PMP22: variants seen among roughly 807,000 people sequenced by gnomAD.
PMP22 encodes Charcot-Marie-Tooth neuropathy 1A (greatly reduced nerve conduction velocity, hereditary motor sensory neuropathy Ia).
In PMP22, 2 loss-of-function variants were observed where a neutral mutation model predicts 18.9. The observed-to-expected ratio is 0.11, with a 90% confidence interval of 0.04 to 0.33. The LOEUF is 0.33. Among genes scored for constraint, PMP22 ranks in the 10% least tolerant of loss-of-function variants. The pLI is 1.00. For synonymous variants in PMP22, 95 were observed against 89.2 expected (o/e 1.07, Z -0.37); for missense variants, 169 against 202.2 (o/e 0.84, Z 1.00).
chr17:15,254,442 C>T (rs144567270), intron 3 of PMP22, among the ~76,000 whole-genome samples: 4 of 152,226 alleles, frequency 2.6e-5, no homozygotes, highest in Non-Finnish European at 4.4e-5. Flanking sequence ...GAAGGAAACG[C>T]GTCAAGTCAA....
At position 15,251,308 on chromosome 17, in the gene PMP22, A is replaced by G. The variant is rs142326776; in HGVS notation, c.178+7786T>C. ...ATTTGTTTCCTGCAGAGCATGTTCC[A>G]CTACCCATAGTGATGCATGTATTGT... On this transcript the variant is annotated intron_variant, in intron 3 of 4. Coordinates refer to ENST00000312280, the MANE Select transcript of PMP22 (RefSeq NM_000304.4). Among the ~76,000 whole-genome samples the G allele has an allele frequency of 8.5e-4, 130 of 152,170 alleles. No homozygotes were observed. The East Asian group carries it at 0.018, about 21-fold the overall frequency.
chr17:15,262,744 C>T (rs776789464), intron 1 of PMP22, among the ~76,000 whole-genome samples: 7 of 152,212 alleles, frequency 4.6e-5, no homozygotes, highest in Non-Finnish European at 1.0e-4. Context: ...CCCTGCAAAA[C>T]CGCGGCGACT....
intron 4 of PMP22, chr17:15,235,357 A>ATG: frequency 1.4e-6 from 1 of 716,802 alleles, no homozygotes; most frequent in Non-Finnish European, 2.6e-6. Flanking sequence ...TGTGCCCCAC[A>ATG]TGGAGCTTGA....
Position 15,252,720 on chromosome 17 carries a change from T to C in PMP22, c.178+6374A>G, listed in dbSNP as rs548065072. Among the ~76,000 whole-genome samples the C allele has an allele frequency of 2.6e-5, 4 of 152,330 alleles. No homozygotes were observed. The East Asian group carries it at 7.7e-4, about 29-fold the overall frequency. On this transcript the variant is annotated intron_variant, in intron 3 of 4. Transcript: ENST00000312280. ...TGCCTAACACCTCAGCATGAAAAAGTTTATCAACTACCTTTTCTTCTGAGA... is the reference window on the plus strand; with the variant it reads ...TGCCTAACACCTCAGCATGAAAAAGCTTATCAACTACCTTTTCTTCTGAGA...
chr17:15,235,117 G>A, intron 4 of PMP22: 1 of 676,844 alleles, frequency 1.5e-6, no homozygotes, highest in Non-Finnish European at 2.7e-6. Context: ...ACCACACCTG[G>A]CCCAAATCCT....
At chr17:15,245,067 T>C (rs983441132) in intron 3 of PMP22, among the ~76,000 whole-genome samples, 11 of 151,960 alleles carry the variant, frequency 7.2e-5, no homozygotes, top group African/African-American at 2.7e-4. Flanking sequence ...CCAGTGCCAT[T>C]GATCAAAAGC....
chr17:15,249,967 G>T (rs1382992544), intron 3 of PMP22, among the ~76,000 whole-genome samples: 1 of 152,192 alleles, frequency 6.6e-6, no homozygotes, highest in African/African-American at 2.4e-5. Context: ...TCAGGCTGGC[G>T]TGCAGTGGTG....
In PMP22 at chr17:15,250,362, T is replaced by G. The variant is rs142143086; in HGVS notation, c.178+8732A>C. On this transcript the variant is annotated intron_variant, in intron 3 of 4. Coordinates refer to ENST00000312280, the MANE Select transcript of PMP22 (RefSeq NM_000304.4). ...CTGAACCCTGTTCCCCTTTTCTGCCTTCTGCTCTCAACTCCTCCCCAAGTA... is the reference window on the plus strand; with the variant it reads ...CTGAACCCTGTTCCCCTTTTCTGCCGTCTGCTCTCAACTCCTCCCCAAGTA... Among the ~76,000 whole-genome samples, 29 of 152,236 alleles carry G rather than the reference T, an allele frequency of 1.9e-4. 2 individuals are homozygous for G. The East Asian group carries it at 5.6e-3, about 30-fold the overall frequency.
At chr17:15,245,414 G>A (rs1907714406) in intron 3 of PMP22, among the ~76,000 whole-genome samples, 1 of 152,152 alleles carries the variant, frequency 6.6e-6, no homozygotes, top group African/African-American at 2.4e-5. Context: ...GCTCTGGTTA[G>A]GACAGCCCAG....
At chr17:15,264,515 T>C (rs1909583431) in intron 1 of PMP22, among the ~76,000 whole-genome samples, 1 of 152,238 alleles carries the variant, frequency 6.6e-6, no homozygotes, top group Non-Finnish European at 1.5e-5. Context: ...TTTCCCTTCC[T>C]TTGTGATTTT....
intron 3 of PMP22, among the ~76,000 whole-genome samples, chr17:15,245,023 T>G (rs540056600): frequency 6.6e-6 from 1 of 152,148 alleles, no homozygotes; most frequent in African/African-American, 2.4e-5. Flanking sequence ...GGCTTCCACA[T>G]GCCCAGGAAA....
At chr17:15,262,983 G>A (rs897180884) in intron 1 of PMP22, among the ~76,000 whole-genome samples, 1 of 152,330 alleles carries the variant, frequency 6.6e-6, no homozygotes, top group South Asian at 2.1e-4. Context: ...AGAGGGCAGC[G>A]GGCGCTTGAG....
At chr17:15,234,897 G>T (rs867190593) in intron 4 of PMP22, among the ~76,000 whole-genome samples, 1 of 151,600 alleles carries the variant, frequency 6.6e-6, no homozygotes, top group Middle Eastern at 3.2e-3. Context: ...GTTCACTGTA[G>T]TCTTGACCTC....
intron 4 of PMP22, among the ~76,000 whole-genome samples, chr17:15,234,127 G>A (rs114813280): frequency 0.011 from 1,684 of 152,278 alleles, 37 homozygotes; most frequent in African/African-American, 0.038. Flanking sequence ...AGAAATGGGC[G>A]TAATGCCTAC....
chr17:15,233,703 G>A lies in PMP22; in HGVS notation c.320-2623C>T, dbSNP rs1014083142. On this transcript the variant is annotated intron_variant, in intron 4 of 4. Coordinates refer to ENST00000312280, the MANE Select transcript of PMP22 (RefSeq NM_000304.4). Reference sequence around the variant, plus strand: ...AGATGTACCAAGATAAGTGAGACATGGCTCCTACCTTAAGGACTGTGTGTC... The same window carrying A: ...AGATGTACCAAGATAAGTGAGACATAGCTCCTACCTTAAGGACTGTGTGTC... 7.2e-5 allele frequency among the ~76,000 whole-genome samples: 11 copies of A among 152,304 alleles called. 1 individual carries two copies. In the South Asian group the frequency reaches 2.1e-3, roughly 29 times the overall value.
intron 4 of PMP22, among the ~76,000 whole-genome samples, chr17:15,232,856 C>T (rs1049920668): frequency 3.3e-5 from 5 of 152,134 alleles, no homozygotes; most frequent in South Asian, 2.1e-4. Context: ...AGAAGTGCAG[C>T]GACTAACTAC....
At chr17:15,244,122 G>A (rs1907584671) in intron 3 of PMP22, among the ~76,000 whole-genome samples, 1 of 152,064 alleles carries the variant, frequency 6.6e-6, no homozygotes, top group Non-Finnish European at 1.5e-5. Flanking sequence ...AAAGCCATGT[G>A]ATTAGCAAAG....
rs1909348548 is a variant in PMP22, at chr17:15,261,571, T to G, written c.-34-810A>C. ...CACGTGCTCGCCTAGGGGTCCAGTC[T>G]GCACCCCAGGCACTCAAAGCCAGGA... On this transcript the variant is annotated intron_variant, in intron 1 of 4. Transcript: ENST00000312280. This position sits in a 1 kb window ranked among gnomAD's most constrained non-coding sequence, Gnocchi z 5.2. 1 of 152,318 alleles carries G rather than the reference T, an allele frequency of 6.6e-6. No homozygotes were observed. Among genetic ancestry groups the G allele is most frequent in the Admixed American group, 6.5e-5 (1 of 15,282 alleles). The allele number at this position is 152,318 out of a possible 1,614,324, so 9.4% of individuals were successfully genotyped here.
chr17:15,254,891 G>A (rs559366054), intron 3 of PMP22, among the ~76,000 whole-genome samples: 14 of 152,306 alleles, frequency 9.2e-5, no homozygotes, highest in South Asian at 8.3e-4. Context: ...CCCGGGAAGC[G>A]GAGGTTGCAG....
Sources: allele counts gnomAD v4.1 joint callset (sites outside exome capture counted in the v4.1 genomes callset), GRCh38; gene constraint gnomAD v4.1.1; non-coding constraint Gnocchi (gnomAD v3.1); transcripts MANE v1.5; gene names NCBI Gene and HGNC (gene_info 2026-07-23, HGNC 2026-07-21).